The following ASIC2 variants were observed in gnomAD, a reference collection of about 807,000 sequenced individuals.
The protein encoded by ASIC2 is acid-sensing ion channel 2.
ASIC2 carries 25 observed loss-of-function variants against 57.3 expected under a neutral mutation model. The observed-to-expected ratio is 0.44, with a 90% CI of 0.32 to 0.61. The LOEUF is 0.61. ASIC2 is among the 20% of genes least tolerant of loss of function. The pLI, the probability that ASIC2 is intolerant of heterozygous loss-of-function variation, is 0.06. For missense variants in ASIC2, 641 were observed against 738.1 expected (o/e 0.87, Z 1.52); for synonymous variants, 319 against 307.5 (o/e 1.04, Z -0.39).
intron 1 of ASIC2, among the ~76,000 whole-genome samples, chr17:33,994,943 T>C (rs537748965): frequency 6.6e-6 from 1 of 152,288 alleles, no homozygotes; most frequent in African/African-American, 2.4e-5. Context: ...AAGGAGGTGA[T>C]CTATATGTAT....
chr17:33,222,992 T>A (rs1907738883), intron 1 of ASIC2, among the ~76,000 whole-genome samples: 1 of 151,220 alleles, frequency 6.6e-6, no homozygotes, highest in South Asian at 2.1e-4. Context: ...GGGAGTCAGG[T>A]TCACATCAGG....
At chr17:33,617,735 A>G (rs4794965) in intron 1 of ASIC2, among the ~76,000 whole-genome samples, 60,188 of 152,100 alleles carry the variant, frequency 0.4, 12,122 homozygotes, top group East Asian at 0.5. Flanking sequence ...AAAAAACACA[A>G]AATAGATAAG....
chr17:33,641,962 T>C (rs1355227142), intron 1 of ASIC2, among the ~76,000 whole-genome samples: 1 of 152,200 alleles, frequency 6.6e-6, no homozygotes, highest in East Asian at 1.9e-4. Context: ...TTAATTTTCC[T>C]ATTTTTTATT....
At chr17:33,657,590 A>G (rs1317473318) in intron 1 of ASIC2, among the ~76,000 whole-genome samples, 1 of 152,082 alleles carries the variant, frequency 6.6e-6, no homozygotes, top group East Asian at 1.9e-4. Context: ...CCTGAAGGAG[A>G]CAAAATCACT....
chr17:33,937,446 G>T (rs907613680), intron 1 of ASIC2, among the ~76,000 whole-genome samples: 1 of 151,196 alleles, frequency 6.6e-6, no homozygotes, highest in Non-Finnish European at 1.5e-5. Context: ...TTCCCCATCA[G>T]AATGTAATGT....
At chr17:34,036,975 G>C (rs1418557469) in intron 1 of ASIC2, 1 of 152,490 alleles carries the variant, frequency 6.6e-6, no homozygotes, top group Non-Finnish European at 1.5e-5. Context: ...ACATTGCCAC[G>C]TACTTGCTAA....
intron 1 of ASIC2, among the ~76,000 whole-genome samples, chr17:33,749,053 C>T (rs1910351787): frequency 6.6e-6 from 1 of 152,132 alleles, no homozygotes; most frequent in South Asian, 2.1e-4. Flanking sequence ...AGCAAGCTGG[C>T]TCCTGCTCTC....
chr17:33,186,513 G>A (rs1012673782), intron 1 of ASIC2, among the ~76,000 whole-genome samples: 6 of 152,142 alleles, frequency 3.9e-5, no homozygotes, highest in African/African-American at 1.4e-4. Flanking sequence ...AATGATGTTA[G>A]ACAAAAAGTA....
intron 1 of ASIC2, among the ~76,000 whole-genome samples, chr17:34,077,523 C>CAGG (rs1483966768): frequency 5.3e-5 from 8 of 152,216 alleles, no homozygotes; most frequent in African/African-American, 1.9e-4. Context: ...CGGTGCTGCT[C>CAGG]TTCCTGGAAA....
At chr17:33,184,744 T>G (rs1460691975) in intron 1 of ASIC2, among the ~76,000 whole-genome samples, 1 of 152,142 alleles carries the variant, frequency 6.6e-6, no homozygotes, top group Non-Finnish European at 1.5e-5. Flanking sequence ...CAATCCAAAG[T>G]AAGTGGCCTG....
intron 1 of ASIC2, chr17:33,692,527 T>C (rs182832515): frequency 6.6e-6 from 1 of 152,264 alleles, no homozygotes; most frequent in Non-Finnish European, 1.5e-5. Context: ...CAAATAAAGT[T>C]TGTGTATCTA....
intron 1 of ASIC2, among the ~76,000 whole-genome samples, chr17:33,845,279 C>T (rs910720393): frequency 6.6e-6 from 1 of 152,144 alleles, no homozygotes; most frequent in Non-Finnish European, 1.5e-5. Flanking sequence ...CTTTTTCCAT[C>T]TCATGGAAAC....
intron 1 of ASIC2, among the ~76,000 whole-genome samples, chr17:33,209,122 C>T (rs1165052761): frequency 6.6e-6 from 1 of 152,094 alleles, no homozygotes; most frequent in African/African-American, 2.4e-5. Context: ...GCCTCGAAGC[C>T]CAGGAAGCCC....
intron 1 of ASIC2, among the ~76,000 whole-genome samples, chr17:33,794,926 G>A (rs1418928566): frequency 2.0e-5 from 3 of 152,162 alleles, no homozygotes; most frequent in South Asian, 4.1e-4. Context: ...CTTTGAATAA[G>A]ACACTTGGGC....
chr17:33,290,852 T>C (rs1406775996), intron 1 of ASIC2: 1 of 152,404 alleles, frequency 6.6e-6, no homozygotes, highest in Admixed American at 6.5e-5. Flanking sequence ...TCACAAGTTC[T>C]CCTAGATTCT....
At chr17:33,265,930 C>T (rs753360703) in intron 1 of ASIC2, among the ~76,000 whole-genome samples, 9 of 152,188 alleles carry the variant, frequency 5.9e-5, no homozygotes, top group Non-Finnish European at 7.3e-5. Flanking sequence ...AAACTCCTGA[C>T]CCTGGCCTGT....
chr17:33,693,853 A>G (rs1324903042), intron 1 of ASIC2, among the ~76,000 whole-genome samples: 1 of 152,182 alleles, frequency 6.6e-6, no homozygotes, highest in Non-Finnish European at 1.5e-5. Context: ...GAGATAGAAC[A>G]GTGATAGGAG....
rs118140013 is a variant in ASIC2 at position 33,449,591 on chromosome 17, G to A, written c.556-337524C>T. The stretch of plus-strand genomic sequence containing the variant: ...TTCCCAGGGAAATATAGTGCTCCAT[G>A]TGAATTAATGTTCTAGGTAACTGAA... On this transcript the variant is annotated intron_variant, in intron 1 of 9. Transcript: ENST00000359872. Among the ~76,000 whole-genome samples the A allele has an allele frequency of 7.4e-3, 1,121 of 152,184 alleles. 10 individuals are homozygous for A. The highest frequency in any genetic ancestry group is 0.011 in the Non-Finnish European group (767 of 68,012).
At chr17:34,092,839 G>A (rs867861297) in intron 1 of ASIC2, among the ~76,000 whole-genome samples, 5 of 152,012 alleles carry the variant, frequency 3.3e-5, no homozygotes, top group African/African-American at 4.8e-5. Context: ...CTGGAATTTA[G>A]GCTTTACTGT....
Sources: allele counts gnomAD v4.1 joint callset (sites outside exome capture counted in the v4.1 genomes callset), GRCh38; gene constraint gnomAD v4.1.1; transcripts MANE v1.5; gene names NCBI Gene and HGNC (gene_info 2026-07-23, HGNC 2026-07-21).